EPM2A: variants seen among roughly 807,000 people sequenced by gnomAD.
EPM2A encodes the protein EPM2A glucan phosphatase, laforin, also known as laforin.
EPM2A carries 21 observed loss-of-function variants against 26.5 expected under a neutral mutation model. The observed-to-expected ratio is 0.79, with a 90% confidence interval of 0.56 to 1.14. The LOEUF (loss-of-function observed/expected upper bound fraction) is 1.14. Among genes scored for constraint, EPM2A ranks in the 50% most tolerant of loss-of-function variants. EPM2A has a pLI of 0.00. For synonymous variants in EPM2A, 217 were observed against 177.6 expected, an observed-to-expected ratio of 1.22 and a Z score of -1.76; for missense variants, 458 against 440.8, an observed-to-expected ratio of 1.04 and a Z score of -0.35.
intron 2 of EPM2A, among the ~76,000 whole-genome samples, chr6:145,592,776 C>T (rs866786594): frequency 6.7e-6 from 1 of 150,342 alleles, no homozygotes; most frequent in African/African-American, 2.5e-5. Context: ...AGGACAACCA[C>T]CAAAAAAGCT....
Position 145,451,033 on chromosome 6 carries a change from A to C in EPM2A, c.555+51489T>G, listed in dbSNP as rs1015527712. ...TTTGCTTGGCAGACATTTTCTCTAA[A>C]ATCAATAAAGTCAGCCTCTCACTTC... is the stretch of plus-strand genomic sequence containing the variant. On this transcript the variant is annotated intron_variant, in intron 4 of 4. Transcript: ENST00000638717. 2.6e-5 allele frequency among the ~76,000 whole-genome samples: 4 copies of C among 152,184 alleles called. No homozygotes were observed. The East Asian group carries it at 5.8e-4, about 22-fold the overall frequency.
intron 4 of EPM2A, among the ~76,000 whole-genome samples, chr6:145,433,373 G>C (rs1270920640): frequency 2.0e-5 from 3 of 152,022 alleles, no homozygotes; most frequent in African/African-American, 7.2e-5. Flanking sequence ...TGTGATGTTT[G>C]GGGATTTAAA....
intron 1 of EPM2A, among the ~76,000 whole-genome samples, chr6:145,693,427 G>A (rs1201982392): frequency 6.6e-6 from 1 of 151,914 alleles, no homozygotes; most frequent in Non-Finnish European, 1.5e-5. Context: ...AAATAACTTA[G>A]AAAGTCTAAT....
intron 4 of EPM2A, among the ~76,000 whole-genome samples, chr6:145,438,764 A>T (rs1582755612): frequency 6.6e-6 from 1 of 151,954 alleles, no homozygotes; most frequent in Non-Finnish European, 1.5e-5. Context: ...GAGCCATTGC[A>T]CTCGGCCAAG....
At chr6:145,683,268 G>GGT (rs35326843) in intron 2 of EPM2A, among the ~76,000 whole-genome samples, 10,964 of 133,946 alleles carry the variant, frequency 0.082, 716 homozygotes, top group African/African-American at 0.17. Context: ...CCCAGGATTT[G>GGT]GTGTGTGTGT....
chr6:145,565,465 T>C (rs546985568), intron 2 of EPM2A, among the ~76,000 whole-genome samples: 9 of 152,278 alleles, frequency 5.9e-5, no homozygotes, highest in African/African-American at 2.2e-4. Context: ...AAACTTTAGA[T>C]TCAAACTGAA....
At chr6:145,627,926 G>A (rs1012664370) in intron 3 of EPM2A, 6 of 592,200 alleles carry the variant, frequency 1.0e-5, no homozygotes, top group Admixed American at 3.1e-5. Context: ...TCCTTCCCTG[G>A]GTATTGCTGC....
chr6:145,483,124 C>CT (rs200391784), intron 4 of EPM2A, among the ~76,000 whole-genome samples: 9 of 150,812 alleles, frequency 6.0e-5, no homozygotes, highest in Non-Finnish European at 8.9e-5. Context: ...AAGTTTCTTT[C>CT]TTTTTTTTTA....
intron 2 of EPM2A, among the ~76,000 whole-genome samples, chr6:145,593,933 G>T (rs1034329233): frequency 5.3e-5 from 8 of 151,402 alleles, no homozygotes; most frequent in African/African-American, 1.9e-4. Context: ...GAAAATCAAA[G>T]AAATTAAAAT....
At chr6:145,691,168 AAAC>A (rs2128618758) in intron 1 of EPM2A, among the ~76,000 whole-genome samples, 1 of 152,314 alleles carries the variant, frequency 6.6e-6, no homozygotes, top group African/African-American at 2.4e-5. Flanking sequence ...AGCAAAGTCC[AAAC>A]AACATAAACC....
chr6:145,630,803 C>G (rs941099927), intron 3 of EPM2A: 1 of 152,160 alleles, frequency 6.6e-6, no homozygotes, highest in African/African-American at 2.4e-5. Flanking sequence ...ATGCACTAGC[C>G]CATTTACAAC....
intron 2 of EPM2A, among the ~76,000 whole-genome samples, chr6:145,653,685 G>A (rs181955178): frequency 7.0e-4 from 106 of 152,292 alleles, no homozygotes; most frequent in African/African-American, 2.4e-3. Context: ...GGAGATCCAG[G>A]GAAGAGCTGC....
chr6:145,418,829 G>A (rs12199325), intron 4 of EPM2A, among the ~76,000 whole-genome samples: 20,435 of 152,144 alleles, frequency 0.13, 1,498 homozygotes, highest in South Asian at 0.25. Context: ...GCCCAGAGCT[G>A]CTCTGAAACC....
chr6:145,716,699 C>T (rs746557204), intron 1 of EPM2A, among the ~76,000 whole-genome samples: 1 of 152,070 alleles, frequency 6.6e-6, no homozygotes, highest in Admixed American at 6.6e-5. Flanking sequence ...GCTCTCCCCT[C>T]ATCACCACCA....
chr6:145,393,491 C>T (rs183215924), intron 4 of EPM2A, among the ~76,000 whole-genome samples: 65 of 151,980 alleles, frequency 4.3e-4, no homozygotes, highest in East Asian at 3.5e-3. Flanking sequence ...AGTAGACTGA[C>T]GCCAGAACAG....
chr6:145,689,514 C>T (rs1339537386), intron 1 of EPM2A, among the ~76,000 whole-genome samples: 1 of 152,194 alleles, frequency 6.6e-6, no homozygotes, highest in Non-Finnish European at 1.5e-5. Flanking sequence ...CCTGCATTTT[C>T]TTTTTGCCTT....
intron 1 of EPM2A, among the ~76,000 whole-genome samples, chr6:145,695,963 C>T (rs1781549909): frequency 6.6e-6 from 1 of 151,976 alleles, no homozygotes; most frequent in African/African-American, 2.4e-5. Flanking sequence ...AAATATATGG[C>T]AAAGAATACA....
At chr6:145,681,410 G>A (rs1046909623) in intron 2 of EPM2A, among the ~76,000 whole-genome samples, 24 of 150,802 alleles carry the variant, frequency 1.6e-4, no homozygotes, top group Admixed American at 2.6e-4. Context: ...GATCCCATTT[G>A]TCAATTTTGG....
intron 2 of EPM2A, among the ~76,000 whole-genome samples, chr6:145,603,222 A>C (rs1476176560): frequency 6.6e-6 from 1 of 152,148 alleles, no homozygotes; most frequent in Non-Finnish European, 1.5e-5. Flanking sequence ...CAAACCTATG[A>C]AATTCTTTTT....
Sources: gnomAD v4.1 joint callset for allele counts (sites outside exome capture counted in the v4.1 genomes callset) on GRCh38, gnomAD v4.1.1 for gene constraint, MANE v1.5 for transcripts, NCBI Gene and HGNC (gene_info 2026-07-23, HGNC 2026-07-21) for gene names.